EXOC6: variants seen among roughly 807,000 people sequenced by gnomAD.
The protein encoded by EXOC6 is exocyst complex component 6.
Under a neutral mutation model 112.5 loss-of-function variants are expected in EXOC6, and 60 were observed. That is an observed-to-expected ratio of 0.53 (90% confidence interval 0.43 to 0.66). The LOEUF (loss-of-function observed/expected upper bound fraction) is 0.66. Among genes scored for constraint, EXOC6 ranks in the 30% least tolerant of loss-of-function variants. The pLI is 0.00. For missense variants in EXOC6, 855 were observed against 957.1 expected (o/e 0.89, Z 1.41); for synonymous variants, 295 against 308.0 (o/e 0.96, Z 0.44).
At chr10:92,920,827 TA>T (rs948830845) in intron 8 of EXOC6, among the ~76,000 whole-genome samples, 1 of 152,206 alleles carries the variant, frequency 6.6e-6, no homozygotes, top group Admixed American at 6.5e-5. Flanking sequence ...TGACCTTTTT[TA>T]AAAAAATCAT....
chr10:93,007,022 C>G (rs17108036), intron 19 of EXOC6, among the ~76,000 whole-genome samples: 13,340 of 151,264 alleles, frequency 0.088, 650 homozygotes, highest in Admixed American at 0.15. Context: ...TTCTTCCTAC[C>G]CTGTATGGAT....
At chr10:92,893,612 T>A in intron 2 of EXOC6, 92 bp downstream of exon 2, 1 of 1,089,068 alleles carries the variant, frequency 9.2e-7, no homozygotes, top group Non-Finnish European at 1.3e-6. Context: ...TTATTAAGTA[T>A]GTTACTTTCA....
At chr10:92,984,499 T>A (rs1842932331) in intron 18 of EXOC6, among the ~76,000 whole-genome samples, 1 of 152,162 alleles carries the variant, frequency 6.6e-6, no homozygotes, top group Non-Finnish European at 1.5e-5. Flanking sequence ...GAACTGTTTC[T>A]TGGATCCCAG....
intron 5 of EXOC6, among the ~76,000 whole-genome samples, chr10:92,903,632 TTTTA>T (rs138430087): frequency 0.012 from 1,863 of 152,160 alleles, 34 homozygotes; most frequent in African/African-American, 0.043. Flanking sequence ...TTTGCTTTTT[TTTTA>T]TTTAATAGAT....
chr10:93,018,786 GT>G (rs1309485298), intron 20 of EXOC6, among the ~76,000 whole-genome samples: 1 of 151,826 alleles, frequency 6.6e-6, no homozygotes, highest in Non-Finnish European at 1.5e-5. Context: ...AATCTGGGAG[GT>G]GAGGATGATG....
At chr10:92,974,911 C>T (rs1017204340) in intron 18 of EXOC6, among the ~76,000 whole-genome samples, 4 of 152,202 alleles carry the variant, frequency 2.6e-5, no homozygotes, top group Admixed American at 6.5e-5. Context: ...GCTCTCGGCT[C>T]GCTACAACCT....
chr10:92,989,334 T>C (rs770769072), intron 18 of EXOC6, among the ~76,000 whole-genome samples: 2 of 152,242 alleles, frequency 1.3e-5, no homozygotes. Flanking sequence ...GAATACTTTC[T>C]AGTTTTGAAG....
intron 14 of EXOC6, 57 bp from the exon 15 acceptor site, chr10:92,952,216 G>T: frequency 1.9e-6 from 2 of 1,054,354 alleles, no homozygotes; most frequent in Non-Finnish European, 2.9e-6. Context: ...ATTTTTTAGT[G>T]ATTAGCATGT....
upstream of EXOC6, among the ~76,000 whole-genome samples, chr10:92,845,976 T>C (rs563560354): frequency 6.6e-6 from 1 of 152,264 alleles, no homozygotes; most frequent in Admixed American, 6.5e-5. Context: ...AATGTGCAAT[T>C]AGTTATTTAG....
intron 8 of EXOC6, among the ~76,000 whole-genome samples, chr10:92,921,727 A>G (rs1462007678): frequency 6.7e-6 from 1 of 149,034 alleles, no homozygotes; most frequent in Non-Finnish European, 1.5e-5. Context: ...AGCTCACTGC[A>G]GCCTTGACCT....
chr10:93,049,733 C>T (rs969722875), intron 20 of EXOC6, among the ~76,000 whole-genome samples: 1 of 152,142 alleles, frequency 6.6e-6, no homozygotes, highest in Admixed American at 6.5e-5. Context: ...GTGTGCACCA[C>T]CACAGCCAGC....
chr10:92,950,186 CAT>C (rs1169620640), intron 14 of EXOC6, among the ~76,000 whole-genome samples: 1 of 152,048 alleles, frequency 6.6e-6, no homozygotes, highest in East Asian at 1.9e-4. Flanking sequence ...AAATAAATCT[CAT>C]AAATTATTTA....
At chr10:92,909,391 A>G in intron 5 of EXOC6, 36 bp from the exon 6 acceptor site, 1 of 1,444,368 alleles carries the variant, frequency 6.9e-7, no homozygotes, top group Non-Finnish European at 9.5e-7. Context: ...TGTGATAAGA[A>G]CTTTTTATAG....
At position 93,014,222 on chromosome 10, in the gene EXOC6, A is replaced by C; in HGVS notation, c.2124A>C (p.Gly708=). 6.2e-7 allele frequency: 1 copy of C among 1,613,452 alleles called. No individual in the cohort carries two copies. Among genetic ancestry groups the C allele is most frequent in the Non-Finnish European group, 8.5e-7 (1 of 1,179,726 alleles). The change falls in exon 20 of 22, where the codon GGA becomes GGC. Residue 708 remains glycine, a synonymous_variant. Coordinates refer to ENST00000260762, the MANE Select transcript of EXOC6 (RefSeq NM_019053.6). ...TTGCCAGCTCTGAGCCTGTGCCAGG[A>C]TTCCAGGGGGATACCCTGCAGCTAG... The part of the protein sequence containing the change: ...ELFASSEPVP[G]FQGDTLQLAF...
At chr10:92,896,147 G>GTGTATA (rs1432410468) in intron 4 of EXOC6, among the ~76,000 whole-genome samples, 7 of 24,484 alleles carry the variant, frequency 2.9e-4, no homozygotes, top group Admixed American at 2.4e-3. Context: ...GTATGTATGT[G>GTGTATA]TATATATATA....
intron 1 of EXOC6, among the ~76,000 whole-genome samples, chr10:92,860,680 C>A (rs755439926): frequency 2.0e-5 from 3 of 152,204 alleles, no homozygotes; most frequent in Non-Finnish European, 2.9e-5. Flanking sequence ...ACTATGATTA[C>A]TCTAGATACC....
chr10:92,859,053 C>G (rs1387567513), intron 1 of EXOC6, among the ~76,000 whole-genome samples: 1 of 152,230 alleles, frequency 6.6e-6, no homozygotes, highest in Non-Finnish European at 1.5e-5. Flanking sequence ...GCATGAGCCA[C>G]AGCGCCTGGC....
intron 1 of EXOC6, among the ~76,000 whole-genome samples, chr10:92,869,606 A>C (rs949187828): frequency 1.3e-5 from 2 of 152,142 alleles, no homozygotes; most frequent in African/African-American, 4.8e-5. Flanking sequence ...CACCGTGCCT[A>C]GACAGGGGCC....
chr10:92,896,318 C>A (rs1849823928), intron 4 of EXOC6, among the ~76,000 whole-genome samples: 1 of 143,718 alleles, frequency 7.0e-6, no homozygotes, highest in Non-Finnish European at 1.5e-5. Flanking sequence ...CTGCCTCAGC[C>A]TCCTGAGTAG....
Sources: gnomAD v4.1 joint callset for allele counts (sites outside exome capture counted in the v4.1 genomes callset) on GRCh38, gnomAD v4.1.1 for gene constraint, MANE v1.5 for transcripts, NCBI Gene and HGNC (gene_info 2026-07-23, HGNC 2026-07-21) for gene names.